The following AFF1 variants were observed in gnomAD, a reference collection of about 807,000 sequenced individuals.
AFF1 encodes ALF transcription elongation factor 1, also known as AF4/FMR2 family member 1.
A neutral mutation model predicts 121.7 loss-of-function variants in AFF1; 48 were observed. That is an observed-to-expected ratio of 0.39 (90% CI 0.31 to 0.50). The LOEUF (loss-of-function observed/expected upper bound fraction) is 0.50. Ranked by LOEUF, AFF1 falls within the 20% of genes least tolerant of loss-of-function variation. The probability of loss-of-function intolerance (pLI) is 0.76; values close to 1 mark genes in which losing one functional copy is unlikely to be tolerated. For missense variants in AFF1, 1,523 were observed against 1,511.7 expected (o/e 1.01, Z -0.12); for synonymous variants, 613 against 563.0 (o/e 1.09, Z -1.26).
Position 87,119,807 on chromosome 4 carries a change from C to A in AFF1, c.2466+4508C>A, listed in dbSNP as rs557378765. Among the ~76,000 whole-genome samples the A allele has an allele frequency of 3.9e-4, 60 of 152,274 alleles. No homozygotes were observed. In the South Asian group the frequency reaches 0.012, roughly 31 times the overall value. On this transcript the variant is annotated intron_variant, in intron 12 of 20. Transcript: ENST00000395146. ...CGCTTTGCTGACCAAGACACTTCAA[C>A]TTTTTTGGGAAAGACATTCCAGTGC...
chr4:87,029,397 A>G (rs868046366), intron 2 of AFF1, among the ~76,000 whole-genome samples: 2 of 152,164 alleles, frequency 1.3e-5, no homozygotes, highest in Non-Finnish European at 2.9e-5. Flanking sequence ...TCCTCCTTAC[A>G]CTGTCAGCCT....
intron 4 of AFF1, among the ~76,000 whole-genome samples, chr4:87,051,873 A>G (rs1005780595): frequency 4.6e-5 from 7 of 152,160 alleles, no homozygotes; most frequent in Admixed American, 3.9e-4. Context: ...TAGACCATCT[A>G]TTCTAATGGG....
intron 2 of AFF1, among the ~76,000 whole-genome samples, chr4:87,026,859 TG>T (rs1728581035): frequency 1.3e-5 from 2 of 152,184 alleles, no homozygotes; most frequent in African/African-American, 4.8e-5. Flanking sequence ...TCAAACTAGA[TG>T]AAATAGAACC....
In AFF1 at chr4:86,952,687, C is replaced by CTTT. The variant is rs35008076; in HGVS notation, c.38+4133_38+4135dup. Among the ~76,000 whole-genome samples the CTTT allele has an allele frequency of 1.8e-3, 225 of 122,980 alleles. 7 individuals carry two copies. The highest frequency in any genetic ancestry group is 5.4e-3 in the East Asian group (23 of 4,262). 80.7% of individuals were successfully genotyped at this position (122,980 alleles called of 152,430 possible). ...AAAAAACAAAAAAACAAAAACACAA[C>CTTT]TTTTTTTTTTTTTTTTTTTGAGATG... is the stretch of plus-strand genomic sequence containing the variant. On this transcript the variant is annotated intron_variant, in intron 2 of 20. Coordinates refer to ENST00000395146, the MANE Select transcript of AFF1 (RefSeq NM_001166693.3).
chr4:87,115,504 T>C (rs1727014789), intron 12 of AFF1, among the ~76,000 whole-genome samples: 1 of 152,084 alleles, frequency 6.6e-6, no homozygotes, highest in African/African-American at 2.4e-5. Flanking sequence ...ACACGTGTTA[T>C]GTCCTTCCAT....
chr4:87,040,839 C>T (rs944696135), intron 2 of AFF1, among the ~76,000 whole-genome samples: 10 of 143,500 alleles, frequency 7.0e-5, no homozygotes, highest in Admixed American at 4.9e-4. Context: ...CCCCAAAGTG[C>T]TGGGATTACA....
At chr4:87,104,835 C>T (rs1025728002) in intron 8 of AFF1, among the ~76,000 whole-genome samples, 3 of 151,904 alleles carry the variant, frequency 2.0e-5, no homozygotes, top group Non-Finnish European at 4.4e-5. Context: ...AGAATGCCTA[C>T]AGATACATTA....
rs115323426 is a variant in AFF1, at chr4:87,034,941, C to T, written c.39-11225C>T. ...TGTATTAAGCATCGCATTTATTAAGCGCTGTGCTGGGTAAGGAACCCTCGG... is the reference window on the plus strand; with the variant it reads ...TGTATTAAGCATCGCATTTATTAAGTGCTGTGCTGGGTAAGGAACCCTCGG... On this transcript the variant is annotated intron_variant, in intron 2 of 20. Transcript: ENST00000395146. 2.6e-3 allele frequency among the ~76,000 whole-genome samples: 394 copies of T among 152,238 alleles called. 5 individuals are homozygous for T. Among genetic ancestry groups the T allele is most frequent in the African/African-American group, 8.2e-3 (341 of 41,536 alleles).
intron 2 of AFF1, among the ~76,000 whole-genome samples, chr4:87,032,963 A>G (rs1729212202): frequency 6.6e-6 from 1 of 152,184 alleles, no homozygotes; most frequent in Non-Finnish European, 1.5e-5. Flanking sequence ...GACCTAGGCA[A>G]CAAAGCAAGA....
intron 3 of AFF1, 65 bp from the exon 4 acceptor site, chr4:87,046,630 C>T (rs1168871105): frequency 7.4e-6 from 11 of 1,478,628 alleles, no homozygotes; most frequent in African/African-American, 5.7e-5. Context: ...TATTATATAA[C>T]GTGGTTTGTT....
intron 4 of AFF1, among the ~76,000 whole-genome samples, chr4:87,053,868 G>A (rs1731497806): frequency 6.6e-6 from 1 of 152,194 alleles, no homozygotes; most frequent in African/African-American, 2.4e-5. Flanking sequence ...GCTATAAGAG[G>A]GGATTGTGAC....
intron 4 of AFF1, among the ~76,000 whole-genome samples, chr4:87,054,363 C>T (rs899211413): frequency 2.6e-5 from 4 of 152,292 alleles, no homozygotes; most frequent in African/African-American, 9.6e-5. Flanking sequence ...GGCTTTCATT[C>T]CTGAGTAGGA....
chr4:86,992,158 G>A (rs1724781208), intron 2 of AFF1, among the ~76,000 whole-genome samples: 1 of 152,142 alleles, frequency 6.6e-6, no homozygotes, highest in Non-Finnish European at 1.5e-5. Flanking sequence ...CAGCATAGTG[G>A]TGAAGATTAT....
chr4:87,040,454 C>T (rs924196265), intron 2 of AFF1, among the ~76,000 whole-genome samples: 24 of 152,242 alleles, frequency 1.6e-4, no homozygotes, highest in South Asian at 2.1e-4. Context: ...CTTTATTTAA[C>T]GCAGCCTGAC....
chr4:87,031,065 G>A (rs976741322), intron 2 of AFF1, among the ~76,000 whole-genome samples: 1 of 152,160 alleles, frequency 6.6e-6, no homozygotes, highest in African/African-American at 2.4e-5. Context: ...TGTCTGGGGT[G>A]GGGGTAGGAG....
At chr4:87,128,659 C>G (rs1728529959) in intron 16 of AFF1, among the ~76,000 whole-genome samples, 1 of 152,204 alleles carries the variant, frequency 6.6e-6, no homozygotes, top group Non-Finnish European at 1.5e-5. Context: ...GCCTGGTGCT[C>G]TTCAACCCTA....
At chr4:87,027,794 T>TG (rs1382814233) in intron 2 of AFF1, among the ~76,000 whole-genome samples, 2 of 141,444 alleles carry the variant, frequency 1.4e-5, no homozygotes, top group Admixed American at 1.4e-4. Context: ...GTTTTTTTTT[T>TG]TTTTTTTTTT....
chr4:87,102,284 A>G (rs1185218601), intron 8 of AFF1, among the ~76,000 whole-genome samples: 1 of 152,242 alleles, frequency 6.6e-6, no homozygotes, highest in African/African-American at 2.4e-5. Context: ...GAAACTTGTT[A>G]TTTGACCAGT....
At chr4:86,963,984 T>TA (rs1553910104) in intron 2 of AFF1, among the ~76,000 whole-genome samples, 1 of 144,352 alleles carries the variant, frequency 6.9e-6, no homozygotes, top group Non-Finnish European at 1.5e-5. Context: ...TTTTTTTTTT[T>TA]AGTACAATTT....
Sources: gnomAD v4.1 joint callset for allele counts (sites outside exome capture counted in the v4.1 genomes callset) on GRCh38, gnomAD v4.1.1 for gene constraint, MANE v1.5 for transcripts, NCBI Gene and HGNC (gene_info 2026-07-23, HGNC 2026-07-21) for gene names.